The following CYP2C19 variants were observed in gnomAD, a reference collection of about 807,000 sequenced individuals.
CYP2C19 encodes cytochrome P450 family 2 subfamily C member 19.
A neutral mutation model predicts 40.9 loss-of-function variants in CYP2C19; 59 were observed. The ratio of observed to expected loss-of-function variants is 1.44; its 90% CI spans 1.17 to 1.79. The LOEUF (loss-of-function observed/expected upper bound fraction) is 1.79, where lower values mean the gene tolerates loss of function less well. Among genes scored for constraint, CYP2C19 ranks in the 40% most tolerant of loss-of-function variants. The pLI, the probability that CYP2C19 is intolerant of heterozygous loss-of-function variation, is 0.00. For synonymous variants in CYP2C19, 253 were observed against 208.7 expected (o/e 1.21, Z -1.83); for missense variants, 754 against 596.9 (o/e 1.26, Z -2.74).
chr10:94,812,608 T>C (rs746396592), intron 5 of CYP2C19, among the ~76,000 whole-genome samples: 3 of 152,344 alleles, frequency 2.0e-5, no homozygotes, highest in Middle Eastern at 3.4e-3. Context: ...TTTCTTCACA[T>C]TTTATTTCAT....
chr10:94,831,450 T>C (rs1849334230), intron 6 of CYP2C19, among the ~76,000 whole-genome samples: 3 of 152,222 alleles, frequency 2.0e-5, no homozygotes, highest in Admixed American at 1.3e-4. Flanking sequence ...TTACAATATA[T>C]ATTTTTAGTT....
At chr10:94,780,835 A>T (rs1283286730) in intron 4 of CYP2C19, among the ~76,000 whole-genome samples, 176 bp downstream of exon 4, 1 of 152,146 alleles carries the variant, frequency 6.6e-6, no homozygotes, top group Non-Finnish European at 1.5e-5. Context: ...TATGCACAGG[A>T]AATGAATATC....
chr10:94,763,141 A>G (rs1218026599), intron 1 of CYP2C19, among the ~76,000 whole-genome samples: 2 of 152,152 alleles, frequency 1.3e-5, no homozygotes, highest in African/African-American at 4.8e-5. Flanking sequence ...TTCCTTCTTT[A>G]TTTCATAGCC....
At chr10:94,813,633 C>A (rs536750876) in intron 5 of CYP2C19, among the ~76,000 whole-genome samples, 2 of 149,626 alleles carry the variant, frequency 1.3e-5, no homozygotes, top group Non-Finnish European at 3.0e-5. Flanking sequence ...CCCCTCAACA[C>A]CCCCCCCAAG....
intron 1 of CYP2C19, among the ~76,000 whole-genome samples, chr10:94,772,353 C>T (rs909618134): frequency 6.6e-6 from 1 of 152,074 alleles, no homozygotes; most frequent in African/African-American, 2.4e-5. Flanking sequence ...AAGAAGGTAA[C>T]AGAGTCCTGG....
At chr10:94,840,561 G>C (rs1276024270) in intron 6 of CYP2C19, among the ~76,000 whole-genome samples, 3 of 152,180 alleles carry the variant, frequency 2.0e-5, no homozygotes, top group Non-Finnish European at 4.4e-5. Context: ...AGTAGATTCA[G>C]AGGTAAGGAG....
intron 5 of CYP2C19, among the ~76,000 whole-genome samples, chr10:94,812,224 G>T (rs917713074): frequency 6.6e-6 from 1 of 152,092 alleles, no homozygotes; most frequent in African/African-American, 2.4e-5. Context: ...CTGGCTTGTC[G>T]AGCTTCTCCA....
At chr10:94,850,306 G>A (rs1282332131) in intron 8 of CYP2C19, among the ~76,000 whole-genome samples, 1 of 152,098 alleles carries the variant, frequency 6.6e-6, no homozygotes, top group Non-Finnish European at 1.5e-5. Context: ...GTTGAATTCT[G>A]CCTCTAGATA....
intron 5 of CYP2C19, among the ~76,000 whole-genome samples, chr10:94,820,096 C>T (rs965874037): frequency 6.6e-6 from 1 of 151,328 alleles, no homozygotes; most frequent in Non-Finnish European, 1.5e-5. Context: ...ATATGCAAAT[C>T]AATAAATGTA....
intron 6 of CYP2C19, 75 bp from the exon 7 acceptor site, chr10:94,842,762 C>T (rs2134286576): frequency 5.5e-6 from 8 of 1,466,396 alleles, no homozygotes; most frequent in Non-Finnish European, 7.6e-6. Flanking sequence ...CATCATGATT[C>T]ATGTACCCCT....
chr10:94,830,718 C>CA (rs1849320518), intron 6 of CYP2C19, among the ~76,000 whole-genome samples: 1 of 152,264 alleles, frequency 6.6e-6, no homozygotes, highest in South Asian at 2.1e-4. Context: ...CTTATATATA[C>CA]TAACGTATAT....
At chr10:94,786,637 C>T (rs1013261487) in intron 5 of CYP2C19, among the ~76,000 whole-genome samples, 2 of 152,076 alleles carry the variant, frequency 1.3e-5, no homozygotes, top group Non-Finnish European at 1.5e-5. Flanking sequence ...TTTCATCACC[C>T]AGGTAGTGAG....
At chr10:94,835,118 T>C (rs904441489) in intron 6 of CYP2C19, among the ~76,000 whole-genome samples, 1 of 152,168 alleles carries the variant, frequency 6.6e-6, no homozygotes, top group Non-Finnish European at 1.5e-5. Context: ...ATTTGAAGAA[T>C]GATTTGTAGT....
chr10:94,798,709 C>T (rs944777030), intron 5 of CYP2C19, among the ~76,000 whole-genome samples: 54 of 150,970 alleles, frequency 3.6e-4, no homozygotes, highest in African/African-American at 1.3e-3. Flanking sequence ...ATAGTTAGCT[C>T]TTCTTGTTGA....
intron 6 of CYP2C19, among the ~76,000 whole-genome samples, chr10:94,826,990 C>A (rs1162542372): frequency 6.6e-6 from 1 of 152,096 alleles, no homozygotes; most frequent in African/African-American, 2.4e-5. Flanking sequence ...ATTGAACCAG[C>A]CTTGCATCCC....
chr10:94,765,573 C>A (rs1402763350), intron 1 of CYP2C19, among the ~76,000 whole-genome samples: 2 of 152,056 alleles, frequency 1.3e-5, no homozygotes, highest in East Asian at 3.9e-4. Flanking sequence ...GGAGAAAAAA[C>A]CGTTCTGTGT....
At chr10:94,809,435 C>T (rs1371690233) in intron 5 of CYP2C19, among the ~76,000 whole-genome samples, 3 of 152,072 alleles carry the variant, frequency 2.0e-5, no homozygotes, top group Non-Finnish European at 2.9e-5. Flanking sequence ...AACTTTTTAA[C>T]GTGATATAAT....
At position 94,854,348 on chromosome 10, in the gene CYP2C19, G is replaced by T. The variant is rs527627538; in HGVS notation, c.*1434G>T. On this transcript the variant is annotated 3_prime_UTR_variant, in exon 9 of 9. Coordinates refer to ENST00000371321, the MANE Select transcript of CYP2C19 (RefSeq NM_000769.4). The stretch of plus-strand genomic sequence containing the variant: ...AAAATTTCTAAGAAGAATTACCAGG[G>T]TTTAATCTTTTTCAGCTTCTCCTAT... 6.6e-6 allele frequency among the ~76,000 whole-genome samples: 1 copy of T among 152,120 alleles called. No homozygotes were observed. Among genetic ancestry groups the T allele is most frequent in the East Asian group, 1.9e-4 (1 of 5,170 alleles).
chr10:94,797,501 C>T (rs923741206), intron 5 of CYP2C19, among the ~76,000 whole-genome samples: 3 of 152,054 alleles, frequency 2.0e-5, no homozygotes, highest in African/African-American at 4.8e-5. Flanking sequence ...ATGCTGGCCT[C>T]ATAAAATTAG....
Sources: allele counts gnomAD v4.1 joint callset (sites outside exome capture counted in the v4.1 genomes callset), GRCh38; gene constraint gnomAD v4.1.1; transcripts MANE v1.5; gene names NCBI Gene and HGNC (gene_info 2026-07-23, HGNC 2026-07-21).